NUDC: variants seen among roughly 807,000 people sequenced by gnomAD.
NUDC encodes nuclear distribution C, dynein complex regulator.
NUDC carries 14 observed loss-of-function variants against 45.0 expected under a neutral mutation model. The observed-to-expected ratio is 0.31, with a 90% confidence interval of 0.21 to 0.49. NUDC has a LOEUF of 0.49. NUDC is among the 20% of genes least tolerant of loss of function. The pLI is 0.99. For synonymous variants in NUDC, 153 were observed against 156.7 expected (o/e 0.98, Z 0.17); for missense variants, 323 against 426.2 (o/e 0.76, Z 2.13).
At chr1:26,926,649 G>C (rs1313050091) in intron 2 of NUDC, among the ~76,000 whole-genome samples, 1 of 151,354 alleles carries the variant, frequency 6.6e-6, no homozygotes, top group African/African-American at 2.4e-5. Flanking sequence ...GCCCAGTCTG[G>C]AGTGCAATGG....
At chr1:26,938,145 G>A (rs2082249283) in intron 2 of NUDC, among the ~76,000 whole-genome samples, 1 of 152,130 alleles carries the variant, frequency 6.6e-6, no homozygotes, top group Admixed American at 6.6e-5. Context: ...TCCAGTGACC[G>A]AAGCTTGAGT....
rs529442231 is a variant in NUDC, at chr1:26,946,312, C to T, written c.*131C>T. 2.6e-4 allele frequency: 210 copies of T among 812,660 alleles called. 1 individual carries two copies. The highest frequency in any genetic ancestry group is 7.5e-5 in the Admixed American group (4 of 53,344). 50.3% of individuals were successfully genotyped at this position (812,660 alleles called of 1,614,324 possible). A position where few individuals can be genotyped will look rare whatever the true frequency, so the allele number is the denominator to read the frequency against. ...GGGACTGGCCCAGGCACACAGGTCC[C>T]GGGGCATCAGGAGAAAGGCTGGGTC... On this transcript the variant is annotated 3_prime_UTR_variant, in exon 9 of 9. Coordinates refer to ENST00000321265, the MANE Select transcript of NUDC (RefSeq NM_006600.4).
chr1:26,925,946 T>G lies in NUDC; in HGVS notation c.159+1780T>G, dbSNP rs1357821343. Among the ~76,000 whole-genome samples the G allele has an allele frequency of 3.3e-5, 5 of 151,976 alleles. No homozygotes were observed. In the East Asian group the frequency reaches 9.7e-4, roughly 29 times the overall value. ...CATGTTGGCCAGGCTGGTCTTGAAC[T>G]CCCAACCTCAGGTGATCTGCCTGCC... On this transcript the variant is annotated intron_variant, in intron 2 of 8. Transcript: ENST00000321265.
At chr1:26,913,661 G>A (rs1376885328) in intron 3 of NUDC, 2 of 1,613,764 alleles carry the variant, frequency 1.2e-6, no homozygotes, top group Non-Finnish European at 1.7e-6. Flanking sequence ...AGGAAGAGGG[G>A]GCCCCAGCAA....
chr1:26,936,134 A>AATATATAT (rs1215586103), intron 2 of NUDC, among the ~76,000 whole-genome samples: 168 of 6,808 alleles, frequency 0.025, 13 homozygotes, highest in Middle Eastern at 0.1. Flanking sequence ...ACGCCCGGCT[A>AATATATAT]ATATATATAT....
chr1:26,928,551 G>T (rs2082152778), intron 2 of NUDC, among the ~76,000 whole-genome samples: 1 of 152,168 alleles, frequency 6.6e-6, no homozygotes, highest in South Asian at 2.1e-4. Flanking sequence ...ATAAAAATTA[G>T]CCAGGCCTTG....
chr1:26,920,351 G>A (rs2082082868), upstream of NUDC, among the ~76,000 whole-genome samples: 1 of 152,036 alleles, frequency 6.6e-6, no homozygotes, highest in Non-Finnish European at 1.5e-5. Flanking sequence ...AATTAGTTAG[G>A]CGTAGTGGTG....
chr1:26,945,442 A>C lies in NUDC; in HGVS notation c.794A>C (p.Asn265Thr). The C allele has an allele frequency of 6.2e-7, 1 of 1,614,200 alleles. No individual in the cohort carries two copies. The highest frequency in any genetic ancestry group is 8.5e-7 in the Non-Finnish European group (1 of 1,180,040). The change falls in exon 7 of 9, where the codon AAC (asparagine) becomes ACC (threonine). Residue 265 changes from asparagine (N) to threonine (T), a missense_variant. Asn to Thr is a moderately conservative substitution (Grantham distance 65). Transcript: ENST00000321265. Reference sequence around the variant, plus strand: ...TTGGTGTCCAGTGACCCTGAGATCAACACCAAGAAGATTAACCCTGAGAAT... The same window carrying C: ...TTGGTGTCCAGTGACCCTGAGATCACCACCAAGAAGATTAACCCTGAGAAT... The part of the protein sequence containing the change: ...SRLVSSDPEI[N>T]TKKINPENSK...
In NUDC at chr1:26,913,940, T is replaced by C. The variant is rs201625061; in HGVS notation, c.93+2705T>C. The C allele has an allele frequency of 3.4e-6, 5 of 1,471,602 alleles. No homozygotes were observed. The African/African-American group carries it at 4.2e-5, about 12-fold the overall frequency. 91.2% of individuals were successfully genotyped at this position (1,471,602 alleles called of 1,614,324 possible). On this transcript the variant is annotated intron_variant, in intron 3 of 6. Transcript: ENST00000435827. The stretch of plus-strand genomic sequence containing the variant: ...CAGGCCCCTGGTTGGCTGGTGCTCA[T>C]GGTTAGGGATCTGCTCTCACTTCCA...
upstream of NUDC, among the ~76,000 whole-genome samples, chr1:26,916,951 A>T (rs1214794046): frequency 6.6e-6 from 1 of 151,556 alleles, no homozygotes; most frequent in Non-Finnish European, 1.5e-5. Context: ...TGAGACCCTG[A>T]CTAAAAATAG....
intron 3 of NUDC, chr1:26,911,260 G>A (rs1266785079): frequency 2.3e-6 from 1 of 434,336 alleles, no homozygotes; most frequent in African/African-American, 2.0e-5. Context: ...GAAGTGGGTA[G>A]GAGCCAGGGG....
chr1:26,902,876 C>G (rs2081986452), intron 2 of NUDC, among the ~76,000 whole-genome samples: 1 of 152,048 alleles, frequency 6.6e-6, no homozygotes, highest in Admixed American at 6.5e-5. Flanking sequence ...TGGTGAAACC[C>G]CGTCTCTACT....
chr1:26,901,245 A>G (rs570379725), intron 1 of NUDC, among the ~76,000 whole-genome samples: 1 of 151,572 alleles, frequency 6.6e-6, no homozygotes, highest in African/African-American at 2.4e-5. Flanking sequence ...GCAACCCACT[A>G]TGCCTGGCTA....
At chr1:26,903,928 G>A in intron 2 of NUDC, among the ~76,000 whole-genome samples, 1 of 150,984 alleles carries the variant, frequency 6.6e-6, no homozygotes. Context: ...GGAGAATGGT[G>A]TGAACCCGGG....
intron 2 of NUDC, among the ~76,000 whole-genome samples, chr1:26,926,405 G>T (rs1002420146): frequency 6.6e-6 from 1 of 152,070 alleles, no homozygotes; most frequent in Non-Finnish European, 1.5e-5. Flanking sequence ...CAATGCTCTG[G>T]TTCTTTCCAT....
chr1:26,945,718 G>A (rs372982562), intron 8 of NUDC, 32 bp downstream of exon 8: 370 of 1,532,758 alleles, frequency 2.4e-4, no homozygotes, highest in Admixed American at 3.2e-4. Context: ...TTGGGGGACC[G>A]TGGGTGCCTG....
At position 26,921,822 on chromosome 1, in the gene NUDC, TC is replaced by T; in HGVS notation, c.-25del. 3 of 1,548,970 alleles carry T rather than the reference TC, an allele frequency of 1.9e-6. No homozygotes were observed. Among genetic ancestry groups the T allele is most frequent in the East Asian group, 2.4e-5 (1 of 40,972 alleles). On this transcript the variant is annotated 5_prime_UTR_variant, in exon 1 of 9. Coordinates refer to ENST00000321265, the MANE Select transcript of NUDC (RefSeq NM_006600.4). ...AGAGCGCGGGACTAGAGTGCAGAGCTCCGGGACGTGGATCGGAGCCGGCGCG... is the reference window on the plus strand; with the variant it reads ...AGAGCGCGGGACTAGAGTGCAGAGCTCGGGACGTGGATCGGAGCCGGCGCG...
intron 2 of NUDC, among the ~76,000 whole-genome samples, chr1:26,931,206 T>G (rs1253387989): frequency 1.4e-5 from 2 of 147,466 alleles, no homozygotes; most frequent in Non-Finnish European, 3.0e-5. Context: ...GCCTCCCGAG[T>G]AGCTGGGATT....
chr1:26,943,151 G>T, intron 6 of NUDC, 86 bp downstream of exon 6: 1 of 1,361,664 alleles, frequency 7.3e-7, no homozygotes, highest in South Asian at 1.2e-5. Context: ...GAGCCATGCT[G>T]GGGGCATTGT....
Sources: gnomAD v4.1 joint callset for allele counts (sites outside exome capture counted in the v4.1 genomes callset) on GRCh38, gnomAD v4.1.1 for gene constraint, MANE v1.5 for transcripts, NCBI Gene and HGNC (gene_info 2026-07-23, HGNC 2026-07-21) for gene names.